The following PROM1 variants were observed in gnomAD, a reference collection of about 807,000 sequenced individuals.
PROM1 encodes the protein prominin 1.
Under a neutral mutation model 116.9 loss-of-function variants are expected in PROM1, and 105 were observed. The observed-to-expected ratio is 0.90, with a 90% CI of 0.77 to 1.06. The LOEUF (loss-of-function observed/expected upper bound fraction) is 1.06. Ranked by LOEUF, PROM1 falls within the 50% of genes least tolerant of loss-of-function variation. The probability of loss-of-function intolerance (pLI) is 0.00; values close to 1 mark genes in which losing one functional copy is unlikely to be tolerated. For missense variants in PROM1, 1,122 were observed against 1,045.2 expected (o/e 1.07, Z -1.01); for synonymous variants, 393 against 387.0 (o/e 1.02, Z -0.18).
chr4:15,991,699 C>A, intron 17 of PROM1, among the ~76,000 whole-genome samples: 1 of 150,766 alleles, frequency 6.6e-6, no homozygotes, highest in Admixed American at 6.6e-5. Context: ...CTTTGGGAGG[C>A]CGAGGTGGGC....
rs750359030 is a variant in PROM1 at position 15,984,358 on chromosome 4, A to AG, written c.2281-4dup. 1.9e-6 allele frequency: 3 copies of AG among 1,564,836 alleles called. No individual in the cohort carries two copies. The highest frequency in any genetic ancestry group is 4.6e-5 in the East Asian group (2 of 43,830). On this transcript the variant is annotated splice_polypyrimidine_tract_variant and splice_region_variant and intron_variant, in intron 22 of 27. Coordinates refer to ENST00000447510, the MANE Select transcript of PROM1 (RefSeq NM_006017.3). ...CACGATGCCACTTTCTCACTGATCT[A>AG]GGGGGGTGGAAACACAGGGAAACTT...
chr4:16,016,092 C>T (rs1728310022), intron 10 of PROM1, 74 bp downstream of exon 10: 4 of 1,295,528 alleles, frequency 3.1e-6, no homozygotes, highest in Admixed American at 2.3e-5. Context: ...TTTGCTATTT[C>T]CTATTTTCTT....
intron 15 of PROM1, among the ~76,000 whole-genome samples, chr4:15,997,917 T>C (rs912897617): frequency 1.3e-5 from 2 of 152,186 alleles, no homozygotes; most frequent in African/African-American, 4.8e-5. Flanking sequence ...AGATGTGGAA[T>C]TGCCCAGGGC....
intron 2 of PROM1, among the ~76,000 whole-genome samples, chr4:16,059,898 T>TA (rs1282490093): frequency 9.9e-5 from 15 of 152,074 alleles, no homozygotes. Context: ...GGGGTAGATC[T>TA]AAAAAAATAA....
At chr4:16,080,086 G>A (rs1293309976) in intron 1 of PROM1, 2 of 150,614 alleles carry the variant, frequency 1.3e-5, no homozygotes, top group Non-Finnish European at 2.9e-5. Context: ...CAGCTACTCG[G>A]AAGTCTGAAG....
intron 26 of PROM1, among the ~76,000 whole-genome samples, chr4:15,975,769 C>T (rs567649516): frequency 1.5e-4 from 23 of 152,194 alleles, no homozygotes; most frequent in South Asian, 2.1e-4. Context: ...TGCCTGTAGA[C>T]GGGCTGAACA....
At chr4:15,979,957 G>A (rs1717341353) in intron 24 of PROM1, 53 bp from the exon 25 acceptor site, 1 of 1,084,566 alleles carries the variant, frequency 9.2e-7, no homozygotes, top group South Asian at 1.5e-5. Flanking sequence ...TATTATGAAA[G>A]CTCAGCAACT....
intron 2 of PROM1, among the ~76,000 whole-genome samples, chr4:16,039,575 TA>T (rs1017968916): frequency 4.6e-5 from 7 of 152,062 alleles, no homozygotes; most frequent in African/African-American, 1.7e-4. Flanking sequence ...CCGTCTCTAC[TA>T]AAAATACAAA....
Position 16,000,534 on chromosome 4 carries a change from GT to G in PROM1, c.1539del (p.Lys513AsnfsTer2), listed in dbSNP as rs1303564849. 6.3e-7 allele frequency: 1 copy of G among 1,595,238 alleles called. No homozygotes were observed. Among genetic ancestry groups the G allele is most frequent in the Non-Finnish European group, 8.6e-7 (1 of 1,163,258 alleles). ...TTGCTCGTGTAAGGTTCACAGATCAGTTTTTCCACATTTGCACCAAAGACAA... is the reference window on the plus strand; with the variant it reads ...TTGCTCGTGTAAGGTTCACAGATCAGTTTTCCACATTTGCACCAAAGACAA... ...LTFVFGANVEKLICEPYTSKE... is the reference protein window; with the variant it reads ...LTFVFGANVEXLICEPYTSKE... On this transcript the variant is annotated frameshift_variant, in exon 14 of 28. Coordinates refer to ENST00000447510, the MANE Select transcript of PROM1 (RefSeq NM_006017.3). LOFTEE classifies it high-confidence loss of function.
intron 14 of PROM1, 117 bp downstream of exon 14, chr4:16,000,379 C>A: frequency 1.2e-6 from 1 of 831,326 alleles, no homozygotes; most frequent in South Asian, 5.6e-5. Flanking sequence ...AAGAAATTTA[C>A]TGAATTTAAA....
intron 27 of PROM1, among the ~76,000 whole-genome samples, chr4:15,970,409 G>A (rs1180179202): frequency 1.4e-4 from 21 of 152,000 alleles, no homozygotes; most frequent in African/African-American, 4.3e-4. Context: ...CTGACCTCAA[G>A]TGATCTGCCC....
intron 2 of PROM1, among the ~76,000 whole-genome samples, chr4:16,051,863 G>A (rs4698443): frequency 0.11 from 16,793 of 152,170 alleles, 1,122 homozygotes; most frequent in East Asian, 0.18. Context: ...AAATGAGACT[G>A]GGATTTGTAA....
At chr4:16,048,333 A>G (rs1736995748) in intron 2 of PROM1, among the ~76,000 whole-genome samples, 1 of 152,154 alleles carries the variant, frequency 6.6e-6, no homozygotes, top group African/African-American at 2.4e-5. Context: ...TTAGTACCTG[A>G]GTGATATGCA....
At chr4:16,023,867 T>A (rs1386922870) in intron 7 of PROM1, among the ~76,000 whole-genome samples, 3 of 152,098 alleles carry the variant, frequency 2.0e-5, no homozygotes, top group African/African-American at 7.2e-5. Flanking sequence ...GTGCCAAACA[T>A]CAACCCCCAG....
intron 26 of PROM1, among the ~76,000 whole-genome samples, chr4:15,977,025 A>G (rs949746715): frequency 2.6e-5 from 4 of 152,206 alleles, no homozygotes; most frequent in Middle Eastern, 6.3e-3. Flanking sequence ...CCTACAGGCC[A>G]TGCTTGATCC....
intron 1 of PROM1, chr4:16,079,530 T>C (rs1744603919): frequency 6.6e-6 from 1 of 152,094 alleles, no homozygotes; most frequent in South Asian, 2.1e-4. Context: ...GTTTAATAGG[T>C]TGTGCCAAAA....
chr4:15,980,515 C>A lies in PROM1; in HGVS notation c.2396G>T (p.Gly799Val). ...CGGAAGTAAAAATACAGTAGCTTTT[C>A]CTATGCCAAACCAAAACAAATTCTA... is the stretch of plus-strand genomic sequence containing the variant. ...DPLNLFWFGI[G>V]KATVFLLPAL... Residue 799 changes from glycine (G) to valine (V), a missense_variant, in exon 24 of 28, where the codon GGA becomes GTA. Coordinates refer to ENST00000447510, the MANE Select transcript of PROM1 (RefSeq NM_006017.3). The A allele has an allele frequency of 6.5e-7, 1 of 1,548,164 alleles. No individual in the cohort carries two copies. Among genetic ancestry groups the A allele is most frequent in the East Asian group, 2.4e-5 (1 of 41,140 alleles).
At chr4:16,029,662 C>G (rs1380240385) in intron 5 of PROM1, among the ~76,000 whole-genome samples, 2 of 152,066 alleles carry the variant, frequency 1.3e-5, no homozygotes, top group Admixed American at 1.3e-4. Context: ...CCCTTCACCC[C>G]CTAAAGAAAA....
intron 20 of PROM1, 98 bp downstream of exon 20, chr4:15,987,565 T>G: frequency 4.7e-6 from 6 of 1,279,178 alleles, no homozygotes; most frequent in South Asian, 3.9e-5. Flanking sequence ...AGGCTTTTTT[T>G]TTCAACTTAA....
Sources: allele counts gnomAD v4.1 joint callset (sites outside exome capture counted in the v4.1 genomes callset), GRCh38; gene constraint gnomAD v4.1.1; transcripts MANE v1.5; gene names NCBI Gene and HGNC (gene_info 2026-07-23, HGNC 2026-07-21).